PRPF31: variants seen among roughly 807,000 people sequenced by gnomAD.
The protein encoded by PRPF31 is pre-mRNA processing factor 31, also known as U4/U6 small nuclear ribonucleoprotein Prp31.
Under a neutral mutation model 60.4 loss-of-function variants are expected in PRPF31, and 12 were observed. That is an observed-to-expected ratio of 0.20 (90% CI 0.13 to 0.32). The LOEUF (loss-of-function observed/expected upper bound fraction) is 0.32. PRPF31 is among the 10% of genes least tolerant of loss of function. The pLI is 1.00. For missense variants in PRPF31, 431 were observed against 687.1 expected (o/e 0.63, Z 4.17); for synonymous variants, 287 against 287.9 (o/e 1.00, Z 0.03).
rs1288896051 is a variant in PRPF31 at position 54,131,027 on chromosome 19, T to G, written c.1375-280T>G. Among the ~76,000 whole-genome samples, 4 of 152,332 alleles carry G rather than the reference T, an allele frequency of 2.6e-5. No individual in the cohort carries two copies. In the South Asian group the frequency reaches 8.3e-4, roughly 32 times the overall value. Reference sequence around the variant, plus strand: ...GTCCCCCAGGGACTCAGTTTCCTTATGCAGAAACTGGGCAGGATTGGCTGT... The same window carrying G: ...GTCCCCCAGGGACTCAGTTTCCTTAGGCAGAAACTGGGCAGGATTGGCTGT... On this transcript the variant is annotated intron_variant, in intron 13 of 13. Transcript: ENST00000321030.
At chr19:54,119,642 A>C (rs2073739619) in intron 3 of PRPF31, 1 of 151,958 alleles carries the variant, frequency 6.6e-6, no homozygotes, top group African/African-American at 2.4e-5. Flanking sequence ...GATTACAGGT[A>C]TGCAACACCA....
chr19:54,124,822 C>A, intron 8 of PRPF31, 166 bp downstream of exon 8: 1 of 784,608 alleles, frequency 1.3e-6, no homozygotes, highest in Non-Finnish European at 2.1e-6. Flanking sequence ...AGCAGACCAG[C>A]TCCAGCACCC....
Position 54,126,625 on chromosome 19 carries a change from G to A in PRPF31, c.945+8G>A, listed in dbSNP as rs201109588. ...GAGAGCACAGAAGGGAAGGTGAGGA[G>A]GGAAAGGTGAGGGGCGGCCGGGCGT... On this transcript the variant is annotated splice_region_variant and intron_variant, in intron 9 of 13. Coordinates refer to ENST00000321030, the MANE Select transcript of PRPF31 (RefSeq NM_015629.4). The A allele has an allele frequency of 5.0e-5, 80 of 1,613,006 alleles. No individual in the cohort carries two copies. The African/African-American group carries it at 7.1e-4, about 14-fold the overall frequency.
intron 5 of PRPF31, chr19:54,122,886 C>G (rs587628114): frequency 3.6e-6 from 2 of 558,904 alleles, no homozygotes; most frequent in East Asian, 6.2e-5. Context: ...TGACACAGGG[C>G]AGGCACACGG....
chr19:54,116,987 C>T (rs2073659490), intron 1 of PRPF31, among the ~76,000 whole-genome samples: 4 of 152,064 alleles, frequency 2.6e-5, no homozygotes, highest in Admixed American at 1.3e-4. Context: ...TCTCAGCTAT[C>T]GGGAGGCTGA....
intron 8 of PRPF31, among the ~76,000 whole-genome samples, chr19:54,125,912 A>G (rs2073910423): frequency 6.6e-6 from 1 of 152,232 alleles, no homozygotes; most frequent in South Asian, 2.1e-4. Context: ...AACCTGCCCC[A>G]GGGAGCCTGA....
intron 4 of PRPF31, chr19:54,122,216 A>G (rs1439187345): frequency 1.6e-6 from 1 of 621,504 alleles, no homozygotes; most frequent in Non-Finnish European, 2.9e-6. Flanking sequence ...GTGCGAGGTG[A>G]CTGCCCCACC....
chr19:54,122,411 A>G (rs1463760808), intron 4 of PRPF31, 86 bp from the exon 5 acceptor site: 3 of 1,003,010 alleles, frequency 3.0e-6, no homozygotes, highest in Non-Finnish European at 4.8e-6. Flanking sequence ...CAGTTACTAA[A>G]GGAAGAAGGG....
intron 8 of PRPF31, among the ~76,000 whole-genome samples, chr19:54,125,969 C>G (rs587640846): frequency 6.6e-6 from 1 of 152,240 alleles, no homozygotes; most frequent in Non-Finnish European, 1.5e-5. Flanking sequence ...CATCTCACAT[C>G]GGTCCAGGCA....
At chr19:54,131,277 C>T (rs755341752) in intron 13 of PRPF31, 30 bp from the exon 14 acceptor site, 108 of 1,613,204 alleles carry the variant, frequency 6.7e-5, no homozygotes, top group Non-Finnish European at 8.3e-5. Flanking sequence ...CCTCACCTAA[C>T]CCATCATCCT....
intron 13 of PRPF31, among the ~76,000 whole-genome samples, chr19:54,130,497 C>T (rs986538186): frequency 8.5e-5 from 13 of 152,198 alleles, no homozygotes; most frequent in South Asian, 2.1e-4. Context: ...TGGTGGCGGG[C>T]GCCTGTAGTC....
In PRPF31 at chr19:54,122,574, G is replaced by T; in HGVS notation, c.400G>T (p.Asp134Tyr). Reference sequence around the variant, plus strand: ...GGAGTCCTTGGTCCCCAATGCACTGGATTACATCCGCACGGTCAAGGTGAG... The same window carrying T: ...GGAGTCCTTGGTCCCCAATGCACTGTATTACATCCGCACGGTCAAGGTGAG... ...ELESLVPNAL[D>Y]YIRTVKELGN... Residue 134 changes from aspartate to tyrosine, a missense_variant, in exon 5 of 14, where the codon GAT (aspartate) becomes TAT (tyrosine). Coordinates refer to ENST00000321030, the MANE Select transcript of PRPF31 (RefSeq NM_015629.4). 1 of 1,614,100 alleles carries T rather than the reference G, an allele frequency of 6.2e-7. No individual in the cohort carries two copies. Among genetic ancestry groups the T allele is most frequent in the Non-Finnish European group, 8.5e-7 (1 of 1,179,940 alleles).
At position 54,129,115 on chromosome 19, in the gene PRPF31, C is replaced by G. The variant is rs1406386099; in HGVS notation, c.1205C>G (p.Ser402Trp). ...LGFSLGHLGK[S>W]GSGRVRQTQV... ...TTCAGCCTGGGCCACCTGGGCAAGT[C>G]GGGCAGTGGGCGTGTGCGGCAGACA... Residue 402 changes from serine (S) to tryptophan (W), a missense_variant, in exon 12 of 14, where the codon TCG becomes TGG. By Grantham distance (177) the Ser-to-Trp change is radical. This residue lies in a region of PRPF31 where 314 missense variants were observed against 475.3 expected (regional missense o/e 0.66). Transcript: ENST00000321030. 5 of 1,582,472 alleles carry G rather than the reference C, an allele frequency of 3.2e-6. No individual in the cohort carries two copies. The highest frequency in any genetic ancestry group is 2.6e-6 in the Non-Finnish European group (3 of 1,165,292).
Position 54,123,752 on chromosome 19 carries a change from G to A in PRPF31, c.531G>A (p.Gln177=). ...VSVTASTTQG[Q]QLSEEELERL... is the part of the protein sequence containing the mutation. The stretch of plus-strand genomic sequence containing the variant: ...CTGGGCCCACCCGCCCCTGCAGGCA[G>A]CAGCTGTCGGAGGAGGAGCTGGAGC... Residue 177 remains glutamine, a synonymous_variant, in exon 7 of 14, where the codon CAG becomes CAA. Transcript: ENST00000321030. 6.2e-7 allele frequency: 1 copy of A among 1,609,314 alleles called. No homozygotes were observed. The highest frequency in any genetic ancestry group is 8.5e-7 in the Non-Finnish European group (1 of 1,178,942).
intron 5 of PRPF31, 23 bp from the exon 6 acceptor site, chr19:54,123,431 C>G (rs762485166): frequency 6.3e-6 from 10 of 1,595,266 alleles, no homozygotes; most frequent in Admixed American, 1.7e-5. Context: ...CGAGCCTCCC[C>G]TATCTTCTCT....
intron 9 of PRPF31, 65 bp downstream of exon 9, chr19:54,126,682 G>A: frequency 3.4e-6 from 5 of 1,471,730 alleles, no homozygotes; most frequent in Non-Finnish European, 4.7e-6. Flanking sequence ...GTCTCTGCAG[G>A]GAGACCCTCA....
At chr19:54,124,231 G>A (rs1490140892) in intron 7 of PRPF31, 1 of 642,302 alleles carries the variant, frequency 1.6e-6, no homozygotes, top group Non-Finnish European at 2.7e-6. Flanking sequence ...CGGCGTTAGT[G>A]TGGCTTAGCA....
rs1360236310 is a variant in PRPF31 at position 54,129,096 on chromosome 19, C to T, written c.1186C>T (p.Leu396=). 2 of 1,580,026 alleles carry T rather than the reference C, an allele frequency of 1.3e-6. No homozygotes were observed. Among genetic ancestry groups the T allele is most frequent in the Admixed American group, 1.9e-5 (1 of 53,244 alleles). Residue 396 remains leucine (L), a synonymous_variant, in exon 12 of 14, where the codon CTG becomes TTG. Coordinates refer to ENST00000321030, the MANE Select transcript of PRPF31 (RefSeq NM_015629.4). ...CTACCAGGAGGACCTGGGATTCAGC[C>T]TGGGCCACCTGGGCAAGTCGGGCAG... ...DAYQEDLGFS[L]GHLGKSGSGR... is the part of the protein sequence containing the mutation.
chr19:54,127,253 A>G (rs797004975), intron 9 of PRPF31, among the ~76,000 whole-genome samples: 3 of 152,264 alleles, frequency 2.0e-5, no homozygotes, highest in African/African-American at 7.2e-5. Flanking sequence ...GGGATAATCC[A>G]TTCCCTGGTC....
Sources: allele counts gnomAD v4.1 joint callset (sites outside exome capture counted in the v4.1 genomes callset), GRCh38; gene constraint gnomAD v4.1.1; regional missense constraint gnomAD v4.1.1; transcripts MANE v1.5; gene names NCBI Gene and HGNC (gene_info 2026-07-23, HGNC 2026-07-21).